AKAP12: variants seen among roughly 807,000 people sequenced by gnomAD.
The protein encoded by AKAP12 is A-kinase anchoring protein 12, also known as A-kinase anchor protein 12.
AKAP12 carries 32 observed loss-of-function variants against 79.9 expected under a neutral mutation model. The observed-to-expected ratio is 0.40, with a 90% CI of 0.30 to 0.54. AKAP12 has a LOEUF of 0.54. Among genes scored for constraint, AKAP12 ranks in the 20% least tolerant of loss-of-function variants. The pLI is 0.48. For synonymous variants in AKAP12, 808 were observed against 857.0 expected (o/e 0.94, Z 1.00); for missense variants, 2,074 against 2,177.0 (o/e 0.95, Z 0.94).
At chr6:151,313,269 A>G (rs1777159329) in intron 3 of AKAP12, among the ~76,000 whole-genome samples, 1 of 152,202 alleles carries the variant, frequency 6.6e-6, no homozygotes, top group South Asian at 2.1e-4. Flanking sequence ...AACGCTATCA[A>G]ACACAAGTGC....
chr6:151,240,576 G>C lies in AKAP12; in HGVS notation c.14G>C (p.Ser5Thr). Reference protein sequence around the residue: MGAGSSTEQRSPEQP... With the variant: MGAGTSTEQRSPEQP... ...TGCGGAGGAGCCATGGGCGCCGGGA[G>C]CTCCACCGAGCAGCGCAGCCCGGAG... is the stretch of plus-strand genomic sequence containing the variant. Residue 5 changes from serine (S) to threonine (T), a missense_variant, in exon 2 of 5, where the codon AGC becomes ACC. Coordinates refer to ENST00000402676, the MANE Select transcript of AKAP12 (RefSeq NM_005100.4). 1 of 1,445,818 alleles carries C rather than the reference G, an allele frequency of 6.9e-7. No individual in the cohort carries two copies. Among genetic ancestry groups the C allele is most frequent in the Non-Finnish European group, 9.0e-7 (1 of 1,105,694 alleles). 89.6% of individuals were successfully genotyped at this position (1,445,818 alleles called of 1,614,324 possible). A position where few individuals can be genotyped will look rare whatever the true frequency, so the allele number is the denominator to read the frequency against.
At chr6:151,303,088 G>T (rs1277015166) in intron 2 of AKAP12, among the ~76,000 whole-genome samples, 8 of 152,146 alleles carry the variant, frequency 5.3e-5, no homozygotes, top group Non-Finnish European at 1.0e-4. Context: ...AGCTACTCGG[G>T]AGGCTGAGGC....
chr6:151,319,285 A>T (rs929954450), intron 3 of AKAP12, among the ~76,000 whole-genome samples: 5 of 152,000 alleles, frequency 3.3e-5, no homozygotes, highest in African/African-American at 1.2e-4. Context: ...CATAAAACTC[A>T]ATTAGTTGAT....
chr6:151,315,796 G>A (rs1244036012), intron 3 of AKAP12, among the ~76,000 whole-genome samples: 1 of 152,118 alleles, frequency 6.6e-6, no homozygotes, highest in African/African-American at 2.4e-5. Flanking sequence ...GGGGCGGGGA[G>A]GCCTCAGGAA....
At chr6:151,252,476 A>G (rs184337329) in intron 2 of AKAP12, among the ~76,000 whole-genome samples, 2,198 of 152,136 alleles carry the variant, frequency 0.014, 45 homozygotes, top group African/African-American at 0.05. Context: ...GATTACAGGC[A>G]TGAGCCACCG....
intron 3 of AKAP12, among the ~76,000 whole-genome samples, chr6:151,321,868 G>T (rs1777396290): frequency 7.0e-6 from 1 of 143,026 alleles, no homozygotes; most frequent in South Asian, 2.2e-4. Context: ...CCCGCCACCT[G>T]CCCCTGTTTT....
At chr6:151,258,177 T>C (rs1165737089) in intron 2 of AKAP12, among the ~76,000 whole-genome samples, 1 of 152,236 alleles carries the variant, frequency 6.6e-6, no homozygotes, top group African/African-American at 2.4e-5. Flanking sequence ...CTGCAATGAA[T>C]ACTGGAGGTA....
intron 3 of AKAP12, among the ~76,000 whole-genome samples, chr6:151,345,903 G>A (rs1336332378): frequency 8.2e-5 from 3 of 36,774 alleles, no homozygotes; most frequent in Non-Finnish European, 4.0e-4. Context: ...ATATGTGTGT[G>A]TGTGTGTGTG....
intron 3 of AKAP12, among the ~76,000 whole-genome samples, chr6:151,337,961 C>T (rs896328361): frequency 2.0e-5 from 3 of 152,202 alleles, no homozygotes; most frequent in African/African-American, 7.2e-5. Context: ...CGCTTGAGCC[C>T]TGGAAGCGGA....
chr6:151,253,797 C>A (rs960694689), intron 2 of AKAP12, among the ~76,000 whole-genome samples: 5 of 151,964 alleles, frequency 3.3e-5, no homozygotes, highest in African/African-American at 9.7e-5. Context: ...ACCTCTGCCT[C>A]CTGGGTTCAA....
chr6:151,323,356 G>A (rs938971300), intron 3 of AKAP12, among the ~76,000 whole-genome samples: 2 of 152,152 alleles, frequency 1.3e-5, no homozygotes, highest in African/African-American at 4.8e-5. Context: ...TTCAAGACCA[G>A]CCTGGCCAAC....
At chr6:151,285,763 G>A (rs1018192376) in intron 2 of AKAP12, among the ~76,000 whole-genome samples, 2 of 151,192 alleles carry the variant, frequency 1.3e-5, no homozygotes, top group South Asian at 2.1e-4. Flanking sequence ...GATAATCTGT[G>A]TATGCTCTAA....
At chr6:151,272,686 C>T (rs1318710607) in intron 2 of AKAP12, among the ~76,000 whole-genome samples, 1 of 152,094 alleles carries the variant, frequency 6.6e-6, no homozygotes, top group African/African-American at 2.4e-5. Context: ...CAGGCATGTG[C>T]TGCCACGCCC....
At chr6:151,345,930 TGTGA>T (rs1332056854) in intron 3 of AKAP12, among the ~76,000 whole-genome samples, 2,422 of 108,476 alleles carry the variant, frequency 0.022, 28 homozygotes, top group African/African-American at 0.072. Flanking sequence ...TGTGTGTGTG[TGTGA>T]GAGAGAGAGA....
intron 2 of AKAP12, among the ~76,000 whole-genome samples, chr6:151,248,267 ATT>A (rs112053514): frequency 3.7e-4 from 52 of 140,760 alleles, no homozygotes; most frequent in Non-Finnish European, 4.5e-4. Flanking sequence ...GGATTCTGTG[ATT>A]TTTTTTTTTT....
At chr6:151,330,103 G>A (rs1397826581) in intron 3 of AKAP12, among the ~76,000 whole-genome samples, 4 of 152,118 alleles carry the variant, frequency 2.6e-5, no homozygotes, top group Admixed American at 6.5e-5. Flanking sequence ...CAGGTGGATC[G>A]CTTGAGTCCA....
At chr6:151,296,033 T>C (rs934224704) in intron 2 of AKAP12, among the ~76,000 whole-genome samples, 4 of 152,178 alleles carry the variant, frequency 2.6e-5, no homozygotes, top group Non-Finnish European at 5.9e-5. Context: ...TGGAAAGAAA[T>C]ATCATGAAAT....
At chr6:151,341,933 C>G (rs1777961248) in intron 3 of AKAP12, 1 of 509,994 alleles carries the variant, frequency 2.0e-6, no homozygotes, top group Non-Finnish European at 3.0e-6. Context: ...TGCCCTTGAT[C>G]TTGCCCCAGC....
intron 4 of AKAP12, among the ~76,000 whole-genome samples, chr6:151,354,528 C>T (rs1010810149): frequency 5.3e-5 from 8 of 152,076 alleles, no homozygotes; most frequent in Admixed American, 2.0e-4. Context: ...TGCCCGCCAC[C>T]ATACCCAGCT....
Sources: allele counts gnomAD v4.1 joint callset (sites outside exome capture counted in the v4.1 genomes callset), GRCh38; gene constraint gnomAD v4.1.1; transcripts MANE v1.5; gene names NCBI Gene and HGNC (gene_info 2026-07-23, HGNC 2026-07-21).